The following ESPL1 variants were observed in gnomAD, a reference collection of about 807,000 sequenced individuals.
The protein encoded by ESPL1 is extra spindle pole bodies like 1, separase.
Under a neutral mutation model 217.2 loss-of-function variants are expected in ESPL1, and 50 were observed. The ratio of observed to expected loss-of-function variants is 0.23; its 90% CI spans 0.18 to 0.29. The LOEUF is 0.29. ESPL1 is among the 10% of genes least tolerant of loss of function. The pLI, the probability that ESPL1 is intolerant of heterozygous loss-of-function variation, is 1.00. For missense variants in ESPL1, 1,834 were observed against 2,603.0 expected (o/e 0.70, Z 6.43); for synonymous variants, 994 against 1,081.3 (o/e 0.92, Z 1.58).
chr12:53,286,544 T>C lies in ESPL1; in HGVS notation c.3808T>C (p.Leu1270=). ...HLEPWRASLL[L]IWALTKLGGL... is the part of the protein sequence containing the mutation. Reference sequence around the variant, plus strand: ...AGAGCCCTGGCGAGCCAGCCTGCTCTTGATTTGGGCCCTCACAAAACTAGG... The same window carrying C: ...AGAGCCCTGGCGAGCCAGCCTGCTCCTGATTTGGGCCCTCACAAAACTAGG... Residue 1270 remains leucine, a synonymous_variant, in exon 18 of 31, where the codon TTG becomes CTG. Coordinates refer to ENST00000257934, the MANE Select transcript of ESPL1 (RefSeq NM_012291.5). This position sits in a 1 kb window ranked among gnomAD's most constrained non-coding sequence, Gnocchi z 5.3. The C allele has an allele frequency of 6.2e-7, 1 of 1,614,198 alleles. No homozygotes were observed. Among genetic ancestry groups the C allele is most frequent in the Non-Finnish European group, 8.5e-7 (1 of 1,180,032 alleles).
intron 17 of ESPL1, among the ~76,000 whole-genome samples, chr12:53,285,688 G>A (rs1201973444): frequency 2.0e-5 from 3 of 149,990 alleles, no homozygotes; most frequent in African/African-American, 2.5e-5. Context: ...CAGCCTGGGC[G>A]ACAGAGAGAG....
At chr12:53,280,007 G>A in intron 12 of ESPL1, 141 bp downstream of exon 12, 1 of 907,528 alleles carries the variant, frequency 1.1e-6, no homozygotes, top group Non-Finnish European at 1.6e-6. Context: ...GGAGTGTGGA[G>A]CAGTTGGAGG....
Position 53,293,470 on chromosome 12 carries a change from G to A in ESPL1, c.6359G>A (p.Arg2120Gln), listed in dbSNP as rs772028881. The A allele has an allele frequency of 3.9e-5, 63 of 1,612,612 alleles. 1 individual carries two copies. In the South Asian group the frequency reaches 4.9e-4, roughly 13 times the overall value. Residue 2120 changes from arginine (R) to glutamine (Q), a missense_variant, in exon 31 of 31, where the codon CGG becomes CAG. This residue lies in a region of ESPL1 where 295 missense variants were observed against 519.8 expected (regional missense o/e 0.57). Transcript: ENST00000257934. The surrounding 1 kb of genome is among the most constrained non-coding windows in gnomAD (Gnocchi z 4.2). ...GCCTATGGCTTGCCTGTCTCTCTGC[G>A]GTAACCCCATGGAGCTGTCTTATTG... ...PIAYGLPVSL[R>Q]
chr12:53,279,404 A>G (rs1236496718), intron 11 of ESPL1, among the ~76,000 whole-genome samples: 1 of 152,252 alleles, frequency 6.6e-6, no homozygotes, highest in African/African-American at 2.4e-5. Flanking sequence ...AACTTAGACA[A>G]GCAACTTAAC....
At chr12:53,291,144 A>G in intron 25 of ESPL1, 148 bp downstream of exon 25, 2 of 605,688 alleles carry the variant, frequency 3.3e-6, no homozygotes, top group South Asian at 5.7e-5. Flanking sequence ...CTCTACGAAA[A>G]TACAAAAATT....
At position 53,292,595 on chromosome 12, in the gene ESPL1, G is replaced by A; in HGVS notation, c.5934G>A (p.Val1978=). ...GCAGTGAAGCTGGCTGGAGAGGAGT[G>A]GTTGGGGAGGTGCCAAGACCTGAAC... ...NFSSEAGWRG[V]VGEVPRPEQV... The change falls in exon 29 of 31, where the codon GTG becomes GTA. Residue 1978 remains valine (V), a synonymous_variant. Transcript: ENST00000257934. This position sits in a 1 kb window ranked among gnomAD's most constrained non-coding sequence, Gnocchi z 4.5. The A allele has an allele frequency of 6.2e-7, 1 of 1,612,458 alleles. No homozygotes were observed.
Position 53,273,494 on chromosome 12 carries a change from C to T in ESPL1, c.1506+637C>T, listed in dbSNP as rs544638001. 1.3e-3 allele frequency among the ~76,000 whole-genome samples: 201 copies of T among 151,874 alleles called. 1 individual carries two copies. Among genetic ancestry groups the T allele is most frequent in the Admixed American group, 3.1e-3 (47 of 15,228 alleles). ...CTAGTGTTTGCCGGGCGTGATGGCT[C>T]ACGCCTATAATTCCAGCACTTTGGG... On this transcript the variant is annotated intron_variant, in intron 6 of 30. Transcript: ENST00000257934.
chr12:53,280,301 T>C (rs1565757223), intron 12 of ESPL1, among the ~76,000 whole-genome samples: 1 of 152,210 alleles, frequency 6.6e-6, no homozygotes, highest in Non-Finnish European at 1.5e-5. Context: ...GCCCCAATAA[T>C]ACTTGCCAGC....
chr12:53,277,001 G>C (rs1943776909), intron 8 of ESPL1, 82 bp from the exon 9 acceptor site: 1 of 1,571,526 alleles, frequency 6.4e-7, no homozygotes, highest in Non-Finnish European at 8.7e-7. Context: ...GGCGAGGCCA[G>C]CTGTTCTGCA....
In ESPL1 at chr12:53,277,537, A is replaced by C. The variant is rs1231838624; in HGVS notation, c.2153A>C (p.Asn718Thr). 1.2e-6 allele frequency: 2 copies of C among 1,614,040 alleles called. No individual in the cohort carries two copies. The highest frequency in any genetic ancestry group is 1.7e-6 in the Non-Finnish European group (2 of 1,180,002). ...NLEEFEVNDL[N>T]YEDKLQEDRF... ...GAGGAATTTGAAGTCAATGACCTGA[A>C]CTATGAAGATAAACTCCAGGAAGAT... Residue 718 changes from asparagine (N) to threonine (T), a missense_variant, in exon 10 of 31, where the codon AAC (asparagine) becomes ACC (threonine). Physicochemically the swap from Asn to Thr is moderately conservative, Grantham distance 65. This residue lies in a region of ESPL1 where 746 missense variants were observed against 1,077.0 expected (regional missense o/e 0.69). Coordinates refer to ENST00000257934, the MANE Select transcript of ESPL1 (RefSeq NM_012291.5).
chr12:53,288,433 G>C, intron 19 of ESPL1, 92 bp downstream of exon 19: 1 of 1,530,832 alleles, frequency 6.5e-7, no homozygotes, highest in Non-Finnish European at 8.8e-7. Context: ...GGAAGTACAG[G>C]AAGAATGTTC....
At position 53,289,566 on chromosome 12, in the gene ESPL1, C is replaced by T. The variant is rs200753222; in HGVS notation, c.5085C>T (p.Phe1695=). ...GHFPQPEKES[F]QERLALIPSG... ...TCCCCCAGCCTGAAAAGGAGAGTTT[C>T]CAGGAGCGCCTGGCTCTGATCCCCA... The change falls in exon 22 of 31, where the codon TTC becomes TTT. Residue 1695 remains phenylalanine, a synonymous_variant. Coordinates refer to ENST00000257934, the MANE Select transcript of ESPL1 (RefSeq NM_012291.5). 9.9e-6 allele frequency: 16 copies of T among 1,613,940 alleles called. 1 individual carries two copies. The highest frequency in any genetic ancestry group is 1.3e-5 in the Non-Finnish European group (15 of 1,180,040).
At chr12:53,275,043 T>G (rs1006143879) in intron 7 of ESPL1, 33 bp downstream of exon 7, 1 of 1,478,758 alleles carries the variant, frequency 6.8e-7, no homozygotes, top group East Asian at 2.4e-5. Flanking sequence ...TGGCTCATGC[T>G]TGTAATCCCA....
At chr12:53,291,331 G>A (rs184762041) in intron 25 of ESPL1, among the ~76,000 whole-genome samples, 3 of 147,430 alleles carry the variant, frequency 2.0e-5, no homozygotes, top group Admixed American at 6.8e-5. Context: ...CTTGGCTTAC[G>A]CCTATAATCC....
intron 5 of ESPL1, among the ~76,000 whole-genome samples, chr12:53,271,814 G>C (rs1399201823): frequency 6.6e-6 from 1 of 152,196 alleles, no homozygotes; most frequent in Non-Finnish European, 1.5e-5. Flanking sequence ...TTGTTGCCGG[G>C]CGCAGTGGCT....
intron 11 of ESPL1, among the ~76,000 whole-genome samples, chr12:53,279,353 C>T (rs571827820): frequency 2.0e-5 from 3 of 152,294 alleles, no homozygotes; most frequent in African/African-American, 7.2e-5. Context: ...CTACCTCAGC[C>T]CTAGATTTGA....
rs376655391 is a variant in ESPL1, at chr12:53,288,498, G to C, written c.4547-40G>C. On this transcript the variant is annotated intron_variant, in intron 19 of 30. Transcript: ENST00000257934. Reference sequence around the variant, plus strand: ...GAAGGAAGAACAAAGAGAATGGCAGGGGGAGGGAGCACTGTGAAAAAGGCC... The same window carrying C: ...GAAGGAAGAACAAAGAGAATGGCAGCGGGAGGGAGCACTGTGAAAAAGGCC... 6 of 1,580,840 alleles carry C rather than the reference G, an allele frequency of 3.8e-6. No homozygotes were observed. The Admixed American group carries it at 5.6e-5, about 15-fold the overall frequency.
Position 53,270,752 on chromosome 12 carries a change from A to G in ESPL1, c.1323A>G (p.Leu441=). ...CCGTTGTCTGGATGCTGGAGGCCTT[A>G]GAGGGCCTGTCGGGCCAAGAGCTGA... ...KSTVVWMLEA[L]EGLSGQELTD... Residue 441 remains leucine, a synonymous_variant, in exon 5 of 31, where the codon TTA becomes TTG. Transcript: ENST00000257934. 1.2e-6 allele frequency: 2 copies of G among 1,614,156 alleles called. No individual in the cohort carries two copies. The highest frequency in any genetic ancestry group is 1.7e-6 in the Non-Finnish European group (2 of 1,179,986).
At chr12:53,276,581 C>G (rs201587677) in intron 7 of ESPL1, 39 bp from the exon 8 acceptor site, 1 of 1,552,602 alleles carries the variant, frequency 6.4e-7, no homozygotes, top group Non-Finnish European at 8.7e-7. Context: ...CTTTATGCCT[C>G]CTGGGTTCCA....
Sources: allele counts gnomAD v4.1 joint callset (sites outside exome capture counted in the v4.1 genomes callset), GRCh38; gene constraint gnomAD v4.1.1; regional missense constraint gnomAD v4.1.1; non-coding constraint Gnocchi (gnomAD v3.1); transcripts MANE v1.5; gene names NCBI Gene and HGNC (gene_info 2026-07-23, HGNC 2026-07-21).